The following COL4A1 variants were observed in gnomAD, a reference collection of about 807,000 sequenced individuals.
COL4A1 encodes collagen alpha-1(IV) chain.
In COL4A1, 40 loss-of-function variants were observed where a neutral mutation model predicts 216.6. That is an observed-to-expected ratio of 0.18 (90% confidence interval 0.14 to 0.24). The LOEUF is 0.24. Among genes scored for constraint, COL4A1 ranks in the 10% least tolerant of loss-of-function variants. The pLI is 1.00. For synonymous variants in COL4A1, 839 were observed against 810.7 expected, an observed-to-expected ratio of 1.03 and a Z score of -0.59; for missense variants, 1,628 against 2,196.8, an observed-to-expected ratio of 0.74 and a Z score of 5.18.
intron 1 of COL4A1, among the ~76,000 whole-genome samples, chr13:110,244,326 G>C (rs1479855823): frequency 2.0e-5 from 3 of 152,126 alleles, no homozygotes; most frequent in African/African-American, 7.2e-5. Flanking sequence ...GGGGACAGCT[G>C]ACAACAGTCC....
Position 110,206,703 on chromosome 13 carries a change from C to A in COL4A1, c.820G>T (p.Val274Phe). The change falls in exon 15 of 52, where the codon GTC (valine) becomes TTC (phenylalanine). Residue 274 changes from valine (V) to phenylalanine (F), a missense_variant. This residue lies in a region of COL4A1 where 701 missense variants were observed against 892.5 expected (regional missense o/e 0.79). Coordinates refer to ENST00000375820, the MANE Select transcript of COL4A1 (RefSeq NM_001845.6). Reference sequence around the variant, plus strand: ...TTTCCGGGTTCACCTTTCTCTCCGACCCCTGGCATCCCCTTAAAGGAATAA... The same window carrying A: ...TTTCCGGGTTCACCTTTCTCTCCGAACCCTGGCATCCCCTTAAAGGAATAA... ...GEPGFQGMPG[V>F]GEKGEPGKPG... is the part of the protein sequence containing the mutation. 1 of 1,614,146 alleles carries A rather than the reference C, an allele frequency of 6.2e-7. No homozygotes were observed. Among genetic ancestry groups the A allele is most frequent in the Middle Eastern group, 1.6e-4 (1 of 6,062 alleles).
chr13:110,256,338 A>G (rs1171900933), intron 1 of COL4A1, among the ~76,000 whole-genome samples: 13 of 152,184 alleles, frequency 8.5e-5, no homozygotes, highest in African/African-American at 2.7e-4. Flanking sequence ...AAGATGCTGG[A>G]GAAGGAAAAA....
chr13:110,289,864 A>G (rs1349442608), intron 1 of COL4A1, among the ~76,000 whole-genome samples: 1 of 152,148 alleles, frequency 6.6e-6, no homozygotes, highest in Non-Finnish European at 1.5e-5. Flanking sequence ...CAACAGAAAC[A>G]TGTTCTGCCC....
chr13:110,182,947 G>A, intron 28 of COL4A1, 46 bp downstream of exon 28: 1 of 1,552,480 alleles, frequency 6.4e-7, no homozygotes, highest in Non-Finnish European at 8.8e-7. Flanking sequence ...TTTTCTCACA[G>A]AAGTCACAGG....
At chr13:110,246,984 C>G (rs557491584) in intron 1 of COL4A1, among the ~76,000 whole-genome samples, 1 of 152,188 alleles carries the variant, frequency 6.6e-6, no homozygotes, top group East Asian at 1.9e-4. Context: ...GCGGGGGTCT[C>G]GGTCTCTCTT....
rs952838208 is a variant in COL4A1, at chr13:110,164,732, A to G, written c.4150+130T>C. The G allele has an allele frequency of 2.2e-6, 3 of 1,361,310 alleles. No individual in the cohort carries two copies. The African/African-American group carries it at 4.4e-5, about 20-fold the overall frequency. 84.3% of individuals were successfully genotyped at this position (1,361,310 alleles called of 1,614,324 possible). A position where few individuals can be genotyped will look rare whatever the true frequency, so the allele number is the denominator to read the frequency against. ...TTGATATGCATTGAAGGGAGGTAAGAAACTCATATTCATATGTGTGTGTAT... is the reference window on the plus strand; with the variant it reads ...TTGATATGCATTGAAGGGAGGTAAGGAACTCATATTCATATGTGTGTGTAT... On this transcript the variant is annotated intron_variant, in intron 46 of 51. Transcript: ENST00000375820.
chr13:110,284,808 A>G (rs1482159592), intron 1 of COL4A1, among the ~76,000 whole-genome samples: 2 of 152,238 alleles, frequency 1.3e-5, no homozygotes, highest in Admixed American at 6.5e-5. Context: ...ATCTGAAAAG[A>G]AGATGCAACC....
chr13:110,252,511 T>C (rs1168948144), intron 1 of COL4A1, among the ~76,000 whole-genome samples: 2 of 7,488 alleles, frequency 2.7e-4, no homozygotes, highest in African/African-American at 4.2e-4. Context: ...ATATATGTAT[T>C]ATATATACGT....
chr13:110,211,760 A>C lies in COL4A1; in HGVS notation c.442-87T>G. ...GTTATCATGTAATATTATATATAAA[A>C]TATAAGTTATTAAAACATAAGCAAA... On this transcript the variant is annotated intron_variant, in intron 7 of 51. Coordinates refer to ENST00000375820, the MANE Select transcript of COL4A1 (RefSeq NM_001845.6). This position sits in a 1 kb window ranked among gnomAD's most constrained non-coding sequence, Gnocchi z 4.3. The C allele has an allele frequency of 4.1e-6, 6 of 1,456,270 alleles. No individual in the cohort carries two copies. In the South Asian group the frequency reaches 7.6e-5, roughly 19 times the overall value. 90.2% of individuals were successfully genotyped at this position (1,456,270 alleles called of 1,614,324 possible). A position where few individuals can be genotyped will look rare whatever the true frequency, so the allele number is the denominator to read the frequency against.
At chr13:110,209,914 A>AT in intron 10 of COL4A1, 66 bp downstream of exon 10, 1 of 1,543,124 alleles carries the variant, frequency 6.5e-7, no homozygotes, top group Non-Finnish European at 9.0e-7. Flanking sequence ...ATTATTATTT[A>AT]TTTTCAAACC....
intron 2 of COL4A1, among the ~76,000 whole-genome samples, chr13:110,217,246 A>G (rs1006546756): frequency 1.3e-5 from 2 of 152,208 alleles, no homozygotes; most frequent in African/African-American, 4.8e-5. Flanking sequence ...TATTCCTCCA[A>G]GATTTTAGCA....
intron 2 of COL4A1, among the ~76,000 whole-genome samples, chr13:110,231,400 C>A (rs1323045018): frequency 6.6e-6 from 1 of 152,154 alleles, no homozygotes; most frequent in Admixed American, 6.5e-5. Context: ...AATTTGGAGG[C>A]GTAAATCATG....
At position 110,222,401 on chromosome 13, in the gene COL4A1, G is replaced by T. The variant is rs529411906; in HGVS notation, c.145-8386C>A. ...TGAGGAGTCTCCGTGGGCTGCAGCT[G>T]CTCGCCACTAGAGGGAGCTCTGGGA... On this transcript the variant is annotated intron_variant, in intron 2 of 51. Transcript: ENST00000375820. Among the ~76,000 whole-genome samples, 30 of 152,270 alleles carry T rather than the reference G, an allele frequency of 2.0e-4. 1 individual carries two copies. The South Asian group carries it at 5.6e-3, about 28-fold the overall frequency.
intron 1 of COL4A1, among the ~76,000 whole-genome samples, chr13:110,261,003 C>G (rs1040621811): frequency 6.3e-5 from 7 of 111,960 alleles, no homozygotes; most frequent in African/African-American, 2.4e-4. Flanking sequence ...CGCCACTGCG[C>G]TCCAGCCTGG....
chr13:110,290,292 T>C (rs949667524), intron 1 of COL4A1, among the ~76,000 whole-genome samples: 3 of 152,220 alleles, frequency 2.0e-5, no homozygotes, highest in African/African-American at 7.2e-5. Context: ...AGGCGGCTTC[T>C]GGGATTTTGA....
At chr13:110,218,659 G>T (rs1880216042) in intron 2 of COL4A1, among the ~76,000 whole-genome samples, 1 of 152,292 alleles carries the variant, frequency 6.6e-6, no homozygotes, top group South Asian at 2.1e-4. Flanking sequence ...GTAGTGAAAG[G>T]TTACTGGGCA....
intron 1 of COL4A1, among the ~76,000 whole-genome samples, chr13:110,249,300 C>G (rs1881974797): frequency 6.6e-6 from 1 of 151,996 alleles, no homozygotes; most frequent in Non-Finnish European, 1.5e-5. Flanking sequence ...TCGAGCTGTG[C>G]ACTTGTGATG....
At chr13:110,162,145 G>T in intron 48 of COL4A1, 85 bp downstream of exon 48, 1 of 1,256,344 alleles carries the variant, frequency 8.0e-7, no homozygotes, top group Non-Finnish European at 1.2e-6. Flanking sequence ...CCTCACTGCA[G>T]CAGCAGAGGC....
chr13:110,160,398 G>C (rs1294353312), intron 49 of COL4A1, among the ~76,000 whole-genome samples: 2 of 92,356 alleles, frequency 2.2e-5, no homozygotes, highest in Admixed American at 1.1e-4. Flanking sequence ...AGCCGAGATT[G>C]CGCCACTGCA....
Sources: allele counts gnomAD v4.1 joint callset (sites outside exome capture counted in the v4.1 genomes callset), GRCh38; gene constraint gnomAD v4.1.1; regional missense constraint gnomAD v4.1.1; non-coding constraint Gnocchi (gnomAD v3.1); transcripts MANE v1.5; gene names NCBI Gene and HGNC (gene_info 2026-07-23, HGNC 2026-07-21).